Variants in YPEL2 observed in about 807,000 individuals in gnomAD.
YPEL2 encodes protein yippee-like 2.
Under a neutral mutation model 19.1 loss-of-function variants are expected in YPEL2, and 2 were observed. That is an observed-to-expected ratio of 0.10 (90% CI 0.04 to 0.33). YPEL2 has a LOEUF of 0.33. Ranked by LOEUF, YPEL2 falls within the 10% of genes least tolerant of loss-of-function variation. YPEL2 has a pLI of 1.00. For missense variants in YPEL2, 66 were observed against 140.7 expected (o/e 0.47, Z 2.68); for synonymous variants, 52 against 50.0 (o/e 1.04, Z -0.17).
At chr17:59,384,151 TG>T in intron 2 of YPEL2, among the ~76,000 whole-genome samples, 1 of 152,336 alleles carries the variant, frequency 6.6e-6, no homozygotes. Context: ...ACCATTCTAA[TG>T]TGGACTGATT....
chr17:59,396,896 TGGTG>T (rs769379394), intron 4 of YPEL2, among the ~76,000 whole-genome samples: 44 of 152,024 alleles, frequency 2.9e-4, no homozygotes, highest in Non-Finnish European at 5.3e-4. Context: ...CCAGGTGTGG[TGGTG>T]GGTGCCTGTA....
chr17:59,377,897 A>G (rs1456719279), intron 2 of YPEL2, among the ~76,000 whole-genome samples: 2 of 152,228 alleles, frequency 1.3e-5, no homozygotes, highest in African/African-American at 2.4e-5. Context: ...GCACACGTTT[A>G]TTAAATGCTT....
At chr17:59,375,964 G>T (rs73996435) in intron 2 of YPEL2, among the ~76,000 whole-genome samples, 2,815 of 152,312 alleles carry the variant, frequency 0.018, 98 homozygotes, top group African/African-American at 0.064. Flanking sequence ...CTTACAAGCT[G>T]TGTGAAACTG....
intron 2 of YPEL2, among the ~76,000 whole-genome samples, chr17:59,366,569 T>A (rs866338094): frequency 6.6e-6 from 1 of 152,336 alleles, no homozygotes; most frequent in Middle Eastern, 3.4e-3. Flanking sequence ...CCTTGTTCTC[T>A]GATGCATCTT....
chr17:59,338,715 T>A (rs2047712191), intron 1 of YPEL2, among the ~76,000 whole-genome samples: 1 of 152,168 alleles, frequency 6.6e-6, no homozygotes, highest in African/African-American at 2.4e-5. Context: ...TGTGACTTCC[T>A]TCACAGTAAG....
At chr17:59,351,094 G>A (rs1364154388) in intron 1 of YPEL2, among the ~76,000 whole-genome samples, 1 of 152,154 alleles carries the variant, frequency 6.6e-6, no homozygotes, top group Non-Finnish European at 1.5e-5. Flanking sequence ...AGGTGGAAGG[G>A]CCAGGTGCGG....
At chr17:59,356,539 T>TC (rs1374247902) in intron 2 of YPEL2, among the ~76,000 whole-genome samples, 2 of 152,202 alleles carry the variant, frequency 1.3e-5, no homozygotes, top group Non-Finnish European at 2.9e-5. Flanking sequence ...TTGCTTTAGA[T>TC]CCCTAGAGGC....
chr17:59,380,061 A>T (rs2047941106), intron 2 of YPEL2, among the ~76,000 whole-genome samples: 1 of 150,452 alleles, frequency 6.6e-6, no homozygotes. Context: ...GGGTTTCGTC[A>T]TGTTGGCCAG....
intron 2 of YPEL2, among the ~76,000 whole-genome samples, chr17:59,371,612 G>A (rs1263866860): frequency 6.6e-6 from 1 of 152,160 alleles, no homozygotes; most frequent in Non-Finnish European, 1.5e-5. Context: ...TCTCAGAGAT[G>A]TTTCATTCCT....
intron 2 of YPEL2, among the ~76,000 whole-genome samples, chr17:59,383,777 C>G (rs1361147151): frequency 6.7e-6 from 1 of 150,184 alleles, no homozygotes; most frequent in Non-Finnish European, 1.5e-5. Flanking sequence ...TCTTTTTACC[C>G]ATAACCTCTA....
intron 1 of YPEL2, among the ~76,000 whole-genome samples, chr17:59,332,544 C>G (rs760873638): frequency 2.0e-5 from 3 of 152,172 alleles, no homozygotes; most frequent in Non-Finnish European, 4.4e-5. Flanking sequence ...TTCGCCACTT[C>G]CAGTTCACCC....
chr17:59,337,674 G>A (rs567117368), intron 1 of YPEL2, among the ~76,000 whole-genome samples: 2 of 152,246 alleles, frequency 1.3e-5, no homozygotes, highest in East Asian at 3.9e-4. Flanking sequence ...CTTGATTTTA[G>A]TGACTATGTA....
At chr17:59,389,717 T>C (rs2047998338) in intron 4 of YPEL2, among the ~76,000 whole-genome samples, 1 of 151,814 alleles carries the variant, frequency 6.6e-6, no homozygotes, top group South Asian at 2.1e-4. Flanking sequence ...TAATGGCATA[T>C]AACCTTACTC....
chr17:59,338,934 A>G (rs1188443812), intron 1 of YPEL2, among the ~76,000 whole-genome samples: 1 of 152,224 alleles, frequency 6.6e-6, no homozygotes, highest in Non-Finnish European at 1.5e-5. Flanking sequence ...AGGTTCTTCT[A>G]AAGCAGCCAA....
intron 2 of YPEL2, among the ~76,000 whole-genome samples, chr17:59,380,125 G>T (rs2047941559): frequency 6.6e-6 from 1 of 150,816 alleles, no homozygotes; most frequent in Non-Finnish European, 1.5e-5. Context: ...CTCCCAAAGT[G>T]CTGGGAAAAG....
chr17:59,341,525 G>T (rs2047730881), intron 1 of YPEL2, among the ~76,000 whole-genome samples: 1 of 152,166 alleles, frequency 6.6e-6, no homozygotes, highest in Non-Finnish European at 1.5e-5. Context: ...CGGGTGTGGT[G>T]GCGGGTGCCT....
chr17:59,334,300 C>A (rs2047687232), intron 1 of YPEL2, among the ~76,000 whole-genome samples: 1 of 150,644 alleles, frequency 6.6e-6, no homozygotes, highest in Non-Finnish European at 1.5e-5. Context: ...TCACAATTGG[C>A]CAGCTGAAGA....
rs1431745737 is a variant in YPEL2 at position 59,353,634 on chromosome 17, T to C, written c.117+108T>C. 1.1e-6 allele frequency: 1 copy of C among 885,082 alleles called. No homozygotes were observed. Among genetic ancestry groups the C allele is most frequent in the Non-Finnish European group, 1.9e-6 (1 of 526,956 alleles). The allele number at this position is 885,082 out of a possible 1,614,324, so 54.8% of individuals were successfully genotyped here. A position where few individuals can be genotyped will look rare whatever the true frequency, so the allele number is the denominator to read the frequency against. ...CAAGAATATTTGTACTCCATCTTTG[T>C]ACAGGGAGGGCTGACCCACGTGACC... On this transcript the variant is annotated intron_variant, in intron 2 of 4. Coordinates refer to ENST00000312655, the MANE Select transcript of YPEL2 (RefSeq NM_001005404.4). The surrounding 1 kb of genome is among the most constrained non-coding windows in gnomAD (Gnocchi z 4.8).
intron 1 of YPEL2, among the ~76,000 whole-genome samples, chr17:59,334,397 G>GGA (rs930301684): frequency 7.8e-6 from 1 of 128,744 alleles, no homozygotes; most frequent in Admixed American, 7.9e-5. Context: ...ATTTGGGGGG[G>GGA]GGTGAGGAGT....
Sources: gnomAD v4.1 joint callset for allele counts (sites outside exome capture counted in the v4.1 genomes callset) on GRCh38, gnomAD v4.1.1 for gene constraint, Gnocchi (gnomAD v3.1) non-coding constraint, MANE v1.5 for transcripts, NCBI Gene and HGNC (gene_info 2026-07-23, HGNC 2026-07-21) for gene names.